KIRREL3: variants seen among roughly 807,000 people sequenced by gnomAD.
KIRREL3 encodes kirre like nephrin family adhesion molecule 3.
A neutral mutation model predicts 89.7 loss-of-function variants in KIRREL3; 36 were observed. That is an observed-to-expected ratio of 0.40 (90% CI 0.31 to 0.53). KIRREL3 has a LOEUF of 0.53. Ranked by LOEUF, KIRREL3 falls within the 20% of genes least tolerant of loss-of-function variation. The pLI is 0.49. For synonymous variants in KIRREL3, 445 were observed against 441.4 expected, an observed-to-expected ratio of 1.01 and a Z score of -0.10; for missense variants, 864 against 1,056.6, an observed-to-expected ratio of 0.82 and a Z score of 2.53.
Position 126,446,073 on chromosome 11 carries a change from G to A in KIRREL3, c.1125+686C>T, listed in dbSNP as rs192295599. ...TGAGGCAGGAGAATTACTTGAACCC[G>A]GGAGGCGGAGTTTGTGGTAAGCCAA... On this transcript the variant is annotated intron_variant, in intron 9 of 16. Transcript: ENST00000525144. 2.3e-3 allele frequency among the ~76,000 whole-genome samples: 345 copies of A among 150,928 alleles called. 3 individuals carry two copies. The highest frequency in any genetic ancestry group is 8.2e-3 in the African/African-American group (337 of 40,974).
chr11:126,923,187 C>CTCTTCT (rs1209221075), intron 1 of KIRREL3, among the ~76,000 whole-genome samples: 6 of 23,842 alleles, frequency 2.5e-4, no homozygotes, highest in East Asian at 8.6e-4. Context: ...TCTTCTTCTT[C>CTCTTCT]TCTTCTTCTT....
At position 126,575,758 on chromosome 11, in the gene KIRREL3, C is replaced by T. The variant is rs1941223072; in HGVS notation, c.56-12846G>A. Reference sequence around the variant, plus strand: ...GGTGGCTGTCCTGGGGCCGCTGTTCCTTCTATCAGGGATTCTCACACCCCT... The same window carrying T: ...GGTGGCTGTCCTGGGGCCGCTGTTCTTTCTATCAGGGATTCTCACACCCCT... On this transcript the variant is annotated intron_variant, in intron 1 of 16. Transcript: ENST00000525144. This position sits in a 1 kb window ranked among gnomAD's most constrained non-coding sequence, Gnocchi z 7.0. 1.3e-5 allele frequency among the ~76,000 whole-genome samples: 2 copies of T among 152,078 alleles called. No individual in the cohort carries two copies. The highest frequency in any genetic ancestry group is 3.9e-4 in the East Asian group (2 of 5,182).
chr11:126,730,160 C>A (rs539843788), intron 1 of KIRREL3, among the ~76,000 whole-genome samples: 18 of 152,330 alleles, frequency 1.2e-4, no homozygotes, highest in African/African-American at 3.8e-4. Flanking sequence ...CTCCCAGAGA[C>A]ATTTACATCA....
At chr11:126,923,129 C>CTCCTCCTCCTTCTTCT (rs1246765425) in intron 1 of KIRREL3, among the ~76,000 whole-genome samples, 1 of 25,730 alleles carries the variant, frequency 3.9e-5, no homozygotes, top group African/African-American at 1.9e-4. Context: ...TCTCCTTCTT[C>CTCCTCCTCCTTCTTCT]TCTTCTTCTT....
intron 1 of KIRREL3, among the ~76,000 whole-genome samples, chr11:126,932,345 G>A (rs751602245): frequency 5.9e-5 from 9 of 152,138 alleles, no homozygotes; most frequent in African/African-American, 1.7e-4. Context: ...GTGTCTTTAC[G>A]GAGGTTTTCG....
Position 126,528,240 on chromosome 11 carries a change from G to A in KIRREL3, c.134-1553C>T, listed in dbSNP as rs757851100. 3.9e-4 allele frequency among the ~76,000 whole-genome samples: 59 copies of A among 152,324 alleles called. No individual in the cohort carries two copies. The highest frequency in any genetic ancestry group is 7.5e-4 in the Non-Finnish European group (51 of 68,038). On this transcript the variant is annotated intron_variant, in intron 2 of 16. Transcript: ENST00000525144. This position sits in a 1 kb window ranked among gnomAD's most constrained non-coding sequence, Gnocchi z 4.6. ...TGCTGTGGCCTCTCCTCCCCAACCC[G>A]GGAGAGTCAGGGGCAGCCACAGACG...
intron 1 of KIRREL3, among the ~76,000 whole-genome samples, chr11:126,938,064 A>G (rs892946009): frequency 6.6e-5 from 10 of 152,204 alleles, no homozygotes; most frequent in Non-Finnish European, 1.2e-4. Context: ...AGCCATGTTA[A>G]GAGAAACAAA....
At position 126,521,474 on chromosome 11, in the gene KIRREL3, C is replaced by A. The variant is rs370271693; in HGVS notation, c.284-10G>T. The stretch of plus-strand genomic sequence containing the variant: ...AGGTACTGTGGGTAACCTGTGGAGA[C>A]AACAGGCAGGTCAGGGAGCTGGGGT... On this transcript the variant is annotated splice_polypyrimidine_tract_variant and intron_variant, in intron 3 of 16. Transcript: ENST00000525144. This position sits in a 1 kb window ranked among gnomAD's most constrained non-coding sequence, Gnocchi z 4.1. 2.5e-5 allele frequency: 40 copies of A among 1,578,050 alleles called. No individual in the cohort carries two copies. Among genetic ancestry groups the A allele is most frequent in the East Asian group, 4.6e-5 (2 of 43,358 alleles).
At position 126,476,934 on chromosome 11, in the gene KIRREL3, C is replaced by T. The variant is rs937550266; in HGVS notation, c.434-3468G>A. On this transcript the variant is annotated intron_variant, in intron 4 of 16. Coordinates refer to ENST00000525144, the MANE Select transcript of KIRREL3 (RefSeq NM_032531.4). This position sits in a 1 kb window ranked among gnomAD's most constrained non-coding sequence, Gnocchi z 6.4. ...AGTTTGGGCTTCTAATTTTTAATCA[C>T]AAGGAAGGTGGAGGCGTTAGCCTTT... Among the ~76,000 whole-genome samples, 7 of 152,254 alleles carry T rather than the reference C, an allele frequency of 4.6e-5. No individual in the cohort carries two copies. Among genetic ancestry groups the T allele is most frequent in the Non-Finnish European group, 4.4e-5 (3 of 68,044 alleles).
rs933258278 is a variant in KIRREL3, at chr11:126,607,327, G to A, written c.56-44415C>T. Among the ~76,000 whole-genome samples the A allele has an allele frequency of 2.0e-5, 3 of 152,218 alleles. No individual in the cohort carries two copies. Among genetic ancestry groups the A allele is most frequent in the African/African-American group, 7.2e-5 (3 of 41,456 alleles). The stretch of plus-strand genomic sequence containing the variant: ...TGGTGTGGTTTTGGGCAGACAGAAC[G>A]GGTTTCTTATGGCTGGGGCTGCTTT... On this transcript the variant is annotated intron_variant, in intron 1 of 16. Coordinates refer to ENST00000525144, the MANE Select transcript of KIRREL3 (RefSeq NM_032531.4). This position sits in a 1 kb window ranked among gnomAD's most constrained non-coding sequence, Gnocchi z 6.6.
chr11:126,964,114 T>G (rs1489927098), intron 1 of KIRREL3, among the ~76,000 whole-genome samples: 2 of 152,184 alleles, frequency 1.3e-5, no homozygotes, highest in Non-Finnish European at 2.9e-5. Flanking sequence ...AGAGAAAAAC[T>G]TCATCTGTGC....
At position 126,750,244 on chromosome 11, in the gene KIRREL3, G is replaced by A. The variant is rs539570192; in HGVS notation, c.56-187332C>T. Reference sequence around the variant, plus strand: ...CAGAACTTGGGGCCTTTATTTCTCAGTTCGGGACTTCTACTATGGTACTTC... The same window carrying A: ...CAGAACTTGGGGCCTTTATTTCTCAATTCGGGACTTCTACTATGGTACTTC... On this transcript the variant is annotated intron_variant, in intron 1 of 16. Coordinates refer to ENST00000525144, the MANE Select transcript of KIRREL3 (RefSeq NM_032531.4). This position sits in a 1 kb window ranked among gnomAD's most constrained non-coding sequence, Gnocchi z 4.2. Among the ~76,000 whole-genome samples the A allele has an allele frequency of 6.6e-6, 1 of 152,290 alleles. No homozygotes were observed. The highest frequency in any genetic ancestry group is 1.9e-4 in the East Asian group (1 of 5,180).
At chr11:126,832,988 G>A (rs560945529) in intron 1 of KIRREL3, among the ~76,000 whole-genome samples, 5 of 152,284 alleles carry the variant, frequency 3.3e-5, no homozygotes, top group South Asian at 2.1e-4. Context: ...AGAATTCCGC[G>A]TTTCAGGCTG....
At chr11:126,480,973 T>C (rs1957202777) in intron 4 of KIRREL3, among the ~76,000 whole-genome samples, 1 of 152,176 alleles carries the variant, frequency 6.6e-6, no homozygotes. Context: ...GGAGCTGACC[T>C]GGTTTTAAGA....
In KIRREL3 at chr11:126,562,756, G is replaced by C; in HGVS notation, c.133+79C>G. On this transcript the variant is annotated intron_variant, in intron 2 of 16. Transcript: ENST00000525144. This position sits in a 1 kb window ranked among gnomAD's most constrained non-coding sequence, Gnocchi z 4.7. ...GAGAGGTCCCAGGTTCTTATTCCTG[G>C]TTCCTCTGTCCTGTGGCTGTAGGGG... The C allele has an allele frequency of 8.1e-7, 1 of 1,228,326 alleles. No individual in the cohort carries two copies. The highest frequency in any genetic ancestry group is 1.2e-6 in the Non-Finnish European group (1 of 839,716). 76.1% of individuals were successfully genotyped at this position (1,228,326 alleles called of 1,614,324 possible).
rs565474732 is a variant in KIRREL3 at position 126,838,384 on chromosome 11, C to T, written c.55+162071G>A. On this transcript the variant is annotated intron_variant, in intron 1 of 16. Transcript: ENST00000525144. ...TCACTCTAGGGCCAGACTGCACCTT[C>T]TATAACATTTCTAATAAATCATGGG... Among the ~76,000 whole-genome samples, 6 of 152,324 alleles carry T rather than the reference C, an allele frequency of 3.9e-5. No homozygotes were observed. In the South Asian group the frequency reaches 6.2e-4, roughly 16 times the overall value.
Position 126,705,383 on chromosome 11 carries a change from T to C in KIRREL3, c.56-142471A>G, listed in dbSNP as rs994701422. The stretch of plus-strand genomic sequence containing the variant: ...CTCTTGGTGATAAGTGAGTTGTTGA[T>C]CAGTTTGTTCACATGAGATCTGGTT... On this transcript the variant is annotated intron_variant, in intron 1 of 16. Coordinates refer to ENST00000525144, the MANE Select transcript of KIRREL3 (RefSeq NM_032531.4). The surrounding 1 kb of genome is among the most constrained non-coding windows in gnomAD (Gnocchi z 4.3). Among the ~76,000 whole-genome samples the C allele has an allele frequency of 4.6e-5, 7 of 152,122 alleles. No individual in the cohort carries two copies. The highest frequency in any genetic ancestry group is 1.0e-4 in the Non-Finnish European group (7 of 68,026).
At chr11:126,988,672 G>A (rs1471630117) in intron 1 of KIRREL3, 2 of 152,520 alleles carry the variant, frequency 1.3e-5, no homozygotes, top group Admixed American at 1.3e-4. Flanking sequence ...TGACCTTCAG[G>A]CAAGTTACCG....
intron 1 of KIRREL3, chr11:126,920,484 T>C (rs992232513): frequency 6.6e-6 from 1 of 152,260 alleles, no homozygotes. Flanking sequence ...AATCTTCATG[T>C]GAAGAGATAC....
Sources: gnomAD v4.1 joint callset for allele counts (sites outside exome capture counted in the v4.1 genomes callset) on GRCh38, gnomAD v4.1.1 for gene constraint, Gnocchi (gnomAD v3.1) non-coding constraint, MANE v1.5 for transcripts, NCBI Gene and HGNC (gene_info 2026-07-23, HGNC 2026-07-21) for gene names.